SH3RF3: variants seen among roughly 807,000 people sequenced by gnomAD.
SH3RF3 encodes the protein E3 ubiquitin-protein ligase SH3RF3.
In SH3RF3, 29 loss-of-function variants were observed where a neutral mutation model predicts 66.3. That is an observed-to-expected ratio of 0.44 (90% confidence interval 0.33 to 0.60). The LOEUF is 0.60. Ranked by LOEUF, SH3RF3 falls within the 20% of genes least tolerant of loss-of-function variation. The probability of loss-of-function intolerance (pLI) is 0.04; values close to 1 mark genes in which losing one functional copy is unlikely to be tolerated. For missense variants in SH3RF3, 1,194 were observed against 1,190.9 expected, an observed-to-expected ratio of 1.00 and a Z score of -0.04; for synonymous variants, 583 against 532.0, an observed-to-expected ratio of 1.10 and a Z score of -1.32.
intron 5 of SH3RF3, among the ~76,000 whole-genome samples, chr2:109,429,024 C>T (rs1329444860): frequency 6.6e-6 from 1 of 152,186 alleles, no homozygotes; most frequent in African/African-American, 2.4e-5. Flanking sequence ...TGACAGGACT[C>T]AACTCACAGA....
chr2:109,254,656 A>G (rs1680176188), intron 1 of SH3RF3, among the ~76,000 whole-genome samples: 1 of 151,982 alleles, frequency 6.6e-6, no homozygotes, highest in South Asian at 2.1e-4. Flanking sequence ...GCTGGGTTTC[A>G]CTTCCTGCTG....
chr2:109,172,930 T>C (rs532291536), intron 1 of SH3RF3, among the ~76,000 whole-genome samples: 2 of 152,342 alleles, frequency 1.3e-5, no homozygotes, highest in East Asian at 3.9e-4. Flanking sequence ...TGGGTATAAC[T>C]GTTGTGTGAC....
intron 4 of SH3RF3, among the ~76,000 whole-genome samples, chr2:109,417,540 G>A (rs1385880218): frequency 6.6e-6 from 1 of 152,086 alleles, no homozygotes; most frequent in Non-Finnish European, 1.5e-5. Flanking sequence ...CCCTCCACAG[G>A]ACCCTCAGCC....
intron 2 of SH3RF3, among the ~76,000 whole-genome samples, chr2:109,353,696 A>G (rs567166748): frequency 6.7e-6 from 1 of 150,164 alleles, no homozygotes; most frequent in Admixed American, 6.6e-5. Context: ...TGCGTGCCCA[A>G]TGCCAGGGAT....
intron 1 of SH3RF3, among the ~76,000 whole-genome samples, chr2:109,162,186 C>T (rs1312419939): frequency 2.0e-5 from 3 of 152,154 alleles, no homozygotes; most frequent in Admixed American, 1.3e-4. Context: ...GGACAGATAC[C>T]ATGGACCTTA....
Position 109,333,356 on chromosome 2 carries a change from A to G in SH3RF3, c.574-14318A>G, listed in dbSNP as rs147622980. ...AAACTGAATGTGATCAATGTAATGT[A>G]TTGGTTTCAGCATCAGATGTTAAGA... On this transcript the variant is annotated intron_variant, in intron 1 of 9. Transcript: ENST00000309415. 9.6e-4 allele frequency among the ~76,000 whole-genome samples: 146 copies of G among 152,360 alleles called. 1 individual carries two copies. Among genetic ancestry groups the G allele is most frequent in the African/African-American group, 3.3e-3 (136 of 41,586 alleles).
In SH3RF3 at chr2:109,387,571, C is replaced by T. The variant is rs945035341; in HGVS notation, c.946-11019C>T. Among the ~76,000 whole-genome samples the T allele has an allele frequency of 5.7e-4, 86 of 152,212 alleles. 2 individuals carry two copies. The highest frequency in any genetic ancestry group is 2.0e-3 in the African/African-American group (84 of 41,450). On this transcript the variant is annotated intron_variant, in intron 3 of 9. Transcript: ENST00000309415. ...ATGTGATGGGGCCAGCTCCCTCCCA[C>T]ATCTCCTCAAGGTCTTGGCTCACAG... is the stretch of plus-strand genomic sequence containing the variant.
In SH3RF3 at chr2:109,489,392, C is replaced by T. The variant is rs963629367; in HGVS notation, c.2149-1213C>T. ...TGGCCTGGGGGGACTTGGCTGGGGCCGGAGCAGTTGTGCTCTTAGACAACC... is the reference window on the plus strand; with the variant it reads ...TGGCCTGGGGGGACTTGGCTGGGGCTGGAGCAGTTGTGCTCTTAGACAACC... On this transcript the variant is annotated intron_variant, in intron 8 of 9. Coordinates refer to ENST00000309415, the MANE Select transcript of SH3RF3 (RefSeq NM_001099289.3). Among the ~76,000 whole-genome samples, 11 of 152,166 alleles carry T rather than the reference C, an allele frequency of 7.2e-5. No homozygotes were observed. In the East Asian group the frequency reaches 7.7e-4, roughly 11 times the overall value.
chr2:109,471,746 C>T (rs1045129505), intron 8 of SH3RF3, among the ~76,000 whole-genome samples: 9 of 152,192 alleles, frequency 5.9e-5, no homozygotes, highest in East Asian at 1.9e-4. Context: ...CCTAATAAGA[C>T]GGTCCCAAGA....
At position 109,486,347 on chromosome 2, in the gene SH3RF3, T is replaced by G. The variant is rs529466141; in HGVS notation, c.2149-4258T>G. Among the ~76,000 whole-genome samples the G allele has an allele frequency of 2.0e-5, 3 of 152,324 alleles. No individual in the cohort carries two copies. The East Asian group carries it at 5.8e-4, about 29-fold the overall frequency. On this transcript the variant is annotated intron_variant, in intron 8 of 9. Coordinates refer to ENST00000309415, the MANE Select transcript of SH3RF3 (RefSeq NM_001099289.3). The stretch of plus-strand genomic sequence containing the variant: ...CTGATTGTTTCTTTGTATACAGAGT[T>G]GGAGAGCTGAGAGACCCTCAGTGGT...
At chr2:109,337,051 T>A (rs1682438200) in intron 1 of SH3RF3, among the ~76,000 whole-genome samples, 1 of 152,248 alleles carries the variant, frequency 6.6e-6, no homozygotes, top group South Asian at 2.1e-4. Flanking sequence ...TAACATTTTT[T>A]AACATAATAG....
At chr2:109,396,082 G>A (rs1461492863) in intron 3 of SH3RF3, among the ~76,000 whole-genome samples, 9 of 152,188 alleles carry the variant, frequency 5.9e-5, no homozygotes, top group Admixed American at 4.6e-4. Context: ...TGAGTGAGAC[G>A]AATGGAGGAC....
intron 1 of SH3RF3, among the ~76,000 whole-genome samples, chr2:109,333,686 A>G (rs1193618918): frequency 6.6e-6 from 1 of 152,222 alleles, no homozygotes; most frequent in Non-Finnish European, 1.5e-5. Flanking sequence ...GGCATAGAAG[A>G]TAAGAGCACA....
intron 2 of SH3RF3, among the ~76,000 whole-genome samples, chr2:109,358,789 G>A (rs148004148): frequency 1.8e-4 from 27 of 152,282 alleles, no homozygotes; most frequent in Non-Finnish European, 3.4e-4. Context: ...TAATTTTAAT[G>A]AAGTCTAACT....
intron 1 of SH3RF3, among the ~76,000 whole-genome samples, chr2:109,255,853 C>T (rs908313924): frequency 6.6e-6 from 1 of 152,204 alleles, no homozygotes; most frequent in African/African-American, 2.4e-5. Context: ...AAAGAGAAGA[C>T]AGTTAAATTA....
At chr2:109,475,316 G>T (rs992997392) in intron 8 of SH3RF3, among the ~76,000 whole-genome samples, 2 of 152,214 alleles carry the variant, frequency 1.3e-5, no homozygotes, top group Non-Finnish European at 2.9e-5. Context: ...CAGGACTATT[G>T]TGTCTGCCAA....
chr2:109,468,587 C>G (rs967977611), intron 8 of SH3RF3, among the ~76,000 whole-genome samples: 1 of 152,088 alleles, frequency 6.6e-6, no homozygotes, highest in Admixed American at 6.5e-5. Flanking sequence ...GGTGTGGTAG[C>G]TCACGCCTGT....
rs1439747734 is a variant in SH3RF3, at chr2:109,478,070, C to T, written c.2149-12535C>T. 2.0e-5 allele frequency among the ~76,000 whole-genome samples: 3 copies of T among 152,342 alleles called. No homozygotes were observed. In the East Asian group the frequency reaches 5.8e-4, roughly 29 times the overall value. ...CTGGGGAGGAGGTCCCTGAGTGTCC[C>T]ATCCACCACAGTGAAGAAGGGGCCC... On this transcript the variant is annotated intron_variant, in intron 8 of 9. Transcript: ENST00000309415.
chr2:109,475,503 C>T (rs978732054), intron 8 of SH3RF3, among the ~76,000 whole-genome samples: 3 of 152,222 alleles, frequency 2.0e-5, no homozygotes, highest in African/African-American at 7.2e-5. Flanking sequence ...TGAAGCCACC[C>T]ACCTACTTCT....
Sources: allele counts gnomAD v4.1 joint callset (sites outside exome capture counted in the v4.1 genomes callset), GRCh38; gene constraint gnomAD v4.1.1; transcripts MANE v1.5; gene names NCBI Gene and HGNC (gene_info 2026-07-23, HGNC 2026-07-21).